ZNF420: variants seen among roughly 807,000 people sequenced by gnomAD.
ZNF420 encodes the protein ATM and p53-associated KZNF protein.
A neutral mutation model predicts 44.7 loss-of-function variants in ZNF420; 31 were observed. The observed-to-expected ratio is 0.69, with a 90% CI of 0.52 to 0.94. ZNF420 has a LOEUF of 0.94. Among genes scored for constraint, ZNF420 ranks in the 40% least tolerant of loss-of-function variants. The pLI is 0.00. For missense variants in ZNF420, 681 were observed against 827.9 expected (o/e 0.82, Z 2.18); for synonymous variants, 245 against 267.4 (o/e 0.92, Z 0.82).
chr19:37,120,167 C>G (rs1970946842), intron 4 of ZNF420, among the ~76,000 whole-genome samples: 1 of 151,922 alleles, frequency 6.6e-6, no homozygotes, highest in South Asian at 2.1e-4. Context: ...GAGACACAGC[C>G]AAAAAAGAGA....
intron 1 of ZNF420, among the ~76,000 whole-genome samples, chr19:37,013,891 C>T (rs2074590541): frequency 6.6e-6 from 1 of 152,162 alleles, no homozygotes; most frequent in Admixed American, 6.5e-5. Context: ...GTGGCACTGG[C>T]GTCCCCTATG....
intron 1 of ZNF420, among the ~76,000 whole-genome samples, chr19:37,072,234 C>T (rs1968070134): frequency 6.6e-6 from 1 of 152,134 alleles, no homozygotes. Flanking sequence ...TCTTGCATAT[C>T]GTAAAAGATA....
intron 4 of ZNF420, among the ~76,000 whole-genome samples, chr19:37,119,939 G>A (rs1970930002): frequency 6.6e-6 from 1 of 152,132 alleles, no homozygotes; most frequent in African/African-American, 2.4e-5. Flanking sequence ...TTGAATCTCT[G>A]AATAGACCAA....
At chr19:37,125,983 G>C (rs1372777164) in intron 4 of ZNF420, among the ~76,000 whole-genome samples, 1 of 152,116 alleles carries the variant, frequency 6.6e-6, no homozygotes, top group Non-Finnish European at 1.5e-5. Flanking sequence ...ACACTGTTTA[G>C]TTTCTCCCCC....
chr19:37,094,554 A>G (rs1346845775), intron 4 of ZNF420, among the ~76,000 whole-genome samples: 1 of 152,148 alleles, frequency 6.6e-6, no homozygotes, highest in Admixed American at 6.6e-5. Context: ...TATTCAGTCC[A>G]CATACAATAT....
intron 4 of ZNF420, among the ~76,000 whole-genome samples, chr19:37,110,686 C>A (rs1970340809): frequency 6.6e-6 from 1 of 152,006 alleles, no homozygotes; most frequent in South Asian, 2.1e-4. Context: ...TGATCAAAAT[C>A]TTATAACACT....
At chr19:37,040,194 G>C (rs1462035401) in intron 1 of ZNF420, among the ~76,000 whole-genome samples, 1 of 152,196 alleles carries the variant, frequency 6.6e-6, no homozygotes, top group Non-Finnish European at 1.5e-5. Flanking sequence ...ACTTGCTGCA[G>C]CTTCTACAAC....
intron 1 of ZNF420, among the ~76,000 whole-genome samples, chr19:37,021,943 A>G (rs1277962606): frequency 7.2e-5 from 5 of 69,416 alleles, no homozygotes; most frequent in Admixed American, 1.5e-4. Flanking sequence ...TCTCAAAAAA[A>G]AAAAAAAAAA....
rs1968240404 is a variant in ZNF420, at chr19:37,078,555, C to G, written c.-140C>G. Reference sequence around the variant, plus strand: ...CGGGAGCCAGATCTTGGACCCTGAACTGCACCTCTGTCAAGGTAGGAGTGT... The same window carrying G: ...CGGGAGCCAGATCTTGGACCCTGAAGTGCACCTCTGTCAAGGTAGGAGTGT... On this transcript the variant is annotated 5_prime_UTR_variant, in exon 1 of 5. Coordinates refer to ENST00000337995, the MANE Select transcript of ZNF420 (RefSeq NM_144689.5). 4 of 152,316 alleles carry G rather than the reference C, an allele frequency of 2.6e-5. No homozygotes were observed. Among genetic ancestry groups the G allele is most frequent in the Admixed American group, 2.6e-4 (4 of 15,286 alleles). 9.4% of individuals were successfully genotyped at this position (152,316 alleles called of 1,614,324 possible). A position where few individuals can be genotyped will look rare whatever the true frequency, so the allele number is the denominator to read the frequency against.
chr19:37,036,159 G>C (rs1454305007), intron 1 of ZNF420, among the ~76,000 whole-genome samples: 1 of 152,138 alleles, frequency 6.6e-6, no homozygotes. Context: ...AGAACTTCTA[G>C]TGTTCAATAG....
At chr19:37,009,452 T>G (rs1305747643) in intron 1 of ZNF420, among the ~76,000 whole-genome samples, 1 of 152,182 alleles carries the variant, frequency 6.6e-6, no homozygotes, top group Non-Finnish European at 1.5e-5. Flanking sequence ...GACACCAGTG[T>G]TCGTCTCGCC....
At chr19:37,097,982 T>C (rs372772269) in intron 4 of ZNF420, among the ~76,000 whole-genome samples, 9 of 152,228 alleles carry the variant, frequency 5.9e-5, no homozygotes, top group African/African-American at 2.2e-4. Context: ...CCTTTTTTCT[T>C]TTTTTTGAGA....
chr19:37,042,458 T>C (rs938030605), intron 1 of ZNF420, among the ~76,000 whole-genome samples: 3 of 152,250 alleles, frequency 2.0e-5, no homozygotes, highest in Non-Finnish European at 2.9e-5. Flanking sequence ...AAAGGTAAAC[T>C]TCCAGAACTA....
At chr19:37,034,823 C>G (rs1967324021) in intron 1 of ZNF420, among the ~76,000 whole-genome samples, 1 of 152,090 alleles carries the variant, frequency 6.6e-6, no homozygotes, top group African/African-American at 2.4e-5. Flanking sequence ...GTGCAAGACA[C>G]ACAAGTGTTC....
intron 1 of ZNF420, among the ~76,000 whole-genome samples, chr19:37,053,640 G>T (rs1022434798): frequency 2.6e-5 from 4 of 152,210 alleles, no homozygotes; most frequent in Non-Finnish European, 4.4e-5. Flanking sequence ...GACCCTGTTT[G>T]CCTGGGTATC....
Position 37,130,082 on chromosome 19 carries a change from G to T in ZNF420, c.*1024G>T. The T allele has an allele frequency of 6.5e-7, 1 of 1,550,262 alleles. No individual in the cohort carries two copies. Among genetic ancestry groups the T allele is most frequent in the Non-Finnish European group, 8.7e-7 (1 of 1,146,862 alleles). On this transcript the variant is annotated 3_prime_UTR_variant, in exon 5 of 5. Transcript: ENST00000337995. Reference sequence around the variant, plus strand: ...GATAGAAGTGATATTTATATGAGTAGGAGATTTACGAAATCCATTTTTCCT... The same window carrying T: ...GATAGAAGTGATATTTATATGAGTATGAGATTTACGAAATCCATTTTTCCT...
At chr19:37,069,001 G>A (rs1035543921) in intron 1 of ZNF420, among the ~76,000 whole-genome samples, 3 of 146,296 alleles carry the variant, frequency 2.1e-5, no homozygotes, top group Non-Finnish European at 2.9e-5. Flanking sequence ...CAGATATGGC[G>A]AGATATTATA....
chr19:37,084,726 T>A lies in ZNF420; in HGVS notation c.-80-4313T>A, dbSNP rs556629730. Among the ~76,000 whole-genome samples the A allele has an allele frequency of 9.8e-5, 15 of 152,302 alleles. 1 individual carries two copies. In the South Asian group the frequency reaches 2.9e-3, roughly 29 times the overall value. On this transcript the variant is annotated intron_variant, in intron 2 of 4. Transcript: ENST00000337995. The stretch of plus-strand genomic sequence containing the variant: ...TTAATATCCATGGGATGATTTGTAT[T>A]TCTGTTTTTTCTTGTGTGAATTTTG...
chr19:37,089,220 T>C (rs1325992898), intron 3 of ZNF420, 93 bp downstream of exon 3: 3 of 1,094,210 alleles, frequency 2.7e-6, no homozygotes, highest in Non-Finnish European at 4.2e-6. Flanking sequence ...CATTCCTAAC[T>C]GACCTCACTC....
Sources: gnomAD v4.1 joint callset for allele counts (sites outside exome capture counted in the v4.1 genomes callset) on GRCh38, gnomAD v4.1.1 for gene constraint, MANE v1.5 for transcripts, NCBI Gene and HGNC (gene_info 2026-07-23, HGNC 2026-07-21) for gene names.